NKAIN3: variants seen among roughly 807,000 people sequenced by gnomAD.
The protein encoded by NKAIN3 is sodium/potassium-transporting ATPase subunit beta-1-interacting protein 3.
A neutral mutation model predicts 30.2 loss-of-function variants in NKAIN3; 25 were observed. The observed-to-expected ratio is 0.83, with a 90% CI of 0.60 to 1.16. The LOEUF (loss-of-function observed/expected upper bound fraction) is 1.16, where lower values mean the gene tolerates loss of function less well. Ranked by LOEUF, NKAIN3 falls within the 50% of genes most tolerant of loss-of-function variation. The probability of loss-of-function intolerance (pLI) is 0.00; values close to 1 mark genes in which losing one functional copy is unlikely to be tolerated. For missense variants in NKAIN3, 225 were observed against 254.1 expected (o/e 0.89, Z 0.78); for synonymous variants, 91 against 89.6 (o/e 1.02, Z -0.09).
intron 5 of NKAIN3, among the ~76,000 whole-genome samples, chr8:62,918,951 TG>T (rs1738323291): frequency 6.8e-6 from 1 of 146,828 alleles, no homozygotes; most frequent in African/African-American, 2.5e-5. Context: ...TAAAATGCAA[TG>T]AAAAAAACTA....
intron 3 of NKAIN3, among the ~76,000 whole-genome samples, chr8:62,603,838 G>T (rs578167028): frequency 6.6e-6 from 1 of 152,204 alleles, no homozygotes; most frequent in East Asian, 1.9e-4. Context: ...ATTCTGAGAA[G>T]ATTAAATCAA....
intron 1 of NKAIN3, among the ~76,000 whole-genome samples, chr8:62,320,987 G>T (rs559809109): frequency 6.6e-6 from 1 of 151,918 alleles, no homozygotes; most frequent in Non-Finnish European, 1.5e-5. Context: ...ATGTAGATTT[G>T]GTCTTTTTAC....
intron 3 of NKAIN3, among the ~76,000 whole-genome samples, chr8:62,656,145 TCA>T (rs1264742974): frequency 1.3e-5 from 2 of 152,110 alleles, no homozygotes; most frequent in Non-Finnish European, 2.9e-5. Flanking sequence ...GCAGTACCTT[TCA>T]GGAGCCGATT....
intron 1 of NKAIN3, among the ~76,000 whole-genome samples, chr8:62,280,229 C>A (rs919294546): frequency 2.0e-5 from 3 of 152,068 alleles, no homozygotes; most frequent in Non-Finnish European, 4.4e-5. Flanking sequence ...GATTTTGTAT[C>A]CTGAGACTTT....
At chr8:62,592,183 C>G (rs141044426) in intron 3 of NKAIN3, among the ~76,000 whole-genome samples, 24 of 151,908 alleles carry the variant, frequency 1.6e-4, no homozygotes, top group Non-Finnish European at 3.1e-4. Context: ...CACATTTGTA[C>G]GCTAAGGTGT....
At chr8:62,735,965 G>C (rs543597815) in intron 3 of NKAIN3, among the ~76,000 whole-genome samples, 1 of 152,276 alleles carries the variant, frequency 6.6e-6, no homozygotes, top group African/African-American at 2.4e-5. Flanking sequence ...GTACTGAGGA[G>C]TGTCTGCAAA....
At chr8:62,989,517 T>C (rs1824273509), downstream of NKAIN3, among the ~76,000 whole-genome samples, 1 of 151,902 alleles carries the variant, frequency 6.6e-6, no homozygotes, top group African/African-American at 2.4e-5. Context: ...TATCACAAGA[T>C]CAGCACATGA....
chr8:62,803,658 A>T (rs1818157728), intron 4 of NKAIN3, among the ~76,000 whole-genome samples: 1 of 152,228 alleles, frequency 6.6e-6, no homozygotes, highest in African/African-American at 2.4e-5. Flanking sequence ...TGCAAGAGAA[A>T]GCAGGAAAGA....
At chr8:62,487,363 A>G (rs1270874540) in intron 1 of NKAIN3, among the ~76,000 whole-genome samples, 2 of 152,206 alleles carry the variant, frequency 1.3e-5, no homozygotes, top group Non-Finnish European at 1.5e-5. Context: ...AAAGGACTGC[A>G]CTTTTCACGG....
intron 3 of NKAIN3, among the ~76,000 whole-genome samples, chr8:62,729,022 AC>A (rs756903616): frequency 0.15 from 10,316 of 68,682 alleles, 2,597 homozygotes; most frequent in Non-Finnish European, 0.21. Context: ...AAACAAACAA[AC>A]CAAAAAAAAA....
intron 3 of NKAIN3, among the ~76,000 whole-genome samples, chr8:62,630,054 T>G (rs1267914820): frequency 1.3e-5 from 2 of 152,086 alleles, no homozygotes; most frequent in African/African-American, 4.8e-5. Flanking sequence ...TCACATGACT[T>G]TTATTATAAT....
intron 4 of NKAIN3, among the ~76,000 whole-genome samples, chr8:62,862,323 A>G (rs1820273399): frequency 1.3e-5 from 2 of 152,316 alleles, no homozygotes; most frequent in African/African-American, 2.4e-5. Context: ...TATGGAATCA[A>G]TGAATGGAAT....
Position 62,249,001 on chromosome 8 carries a change from C to A in NKAIN3, c.-73C>A. ...GGGCCGGGCCGGGCGGGGACTACTC[C>A]GGAGTCAGGAGGCAGCAGCGGCGGA... On this transcript the variant is annotated 5_prime_UTR_variant, in exon 1 of 7. Coordinates refer to ENST00000623646, the MANE Select transcript of NKAIN3 (RefSeq NM_001304533.3). The A allele has an allele frequency of 1.4e-6, 2 of 1,391,690 alleles. No homozygotes were observed. Among genetic ancestry groups the A allele is most frequent in the East Asian group, 2.7e-5 (1 of 37,260 alleles). 86.2% of individuals were successfully genotyped at this position (1,391,690 alleles called of 1,614,324 possible).
chr8:62,250,194 C>T (rs2129385425), intron 1 of NKAIN3, among the ~76,000 whole-genome samples: 1 of 152,220 alleles, frequency 6.6e-6, no homozygotes, highest in Non-Finnish European at 1.5e-5. Flanking sequence ...GGGATAAAAT[C>T]GTGCTTTTTA....
intron 1 of NKAIN3, among the ~76,000 whole-genome samples, chr8:62,425,780 G>T (rs572510385): frequency 1.3e-5 from 2 of 151,906 alleles, no homozygotes; most frequent in Non-Finnish European, 2.9e-5. Flanking sequence ...AAATACAAGC[G>T]TTGACATTCA....
chr8:62,988,746 C>G (rs1330286421), downstream of NKAIN3, among the ~76,000 whole-genome samples: 1 of 152,236 alleles, frequency 6.6e-6, no homozygotes, highest in African/African-American at 2.4e-5. Context: ...CTGGAGACAT[C>G]TTCCTCATTG....
intron 5 of NKAIN3, among the ~76,000 whole-genome samples, chr8:62,938,983 C>T (rs557417097): frequency 6.6e-6 from 1 of 152,150 alleles, no homozygotes; most frequent in South Asian, 2.1e-4. Flanking sequence ...TGAAGTCCAA[C>T]TTAAAGAAAT....
At chr8:62,398,367 A>T (rs1228722774) in intron 1 of NKAIN3, among the ~76,000 whole-genome samples, 2 of 152,238 alleles carry the variant, frequency 1.3e-5, no homozygotes, top group Admixed American at 1.3e-4. Context: ...CCTGCCGCAC[A>T]TTTAAGAATA....
chr8:62,322,896 C>G (rs1445699494), intron 1 of NKAIN3, among the ~76,000 whole-genome samples: 1 of 152,150 alleles, frequency 6.6e-6, no homozygotes, highest in African/African-American at 2.4e-5. Flanking sequence ...GCACAGATCG[C>G]TAATAAACAT....
Sources: gnomAD v4.1 joint callset for allele counts (sites outside exome capture counted in the v4.1 genomes callset) on GRCh38, gnomAD v4.1.1 for gene constraint, MANE v1.5 for transcripts, NCBI Gene and HGNC (gene_info 2026-07-23, HGNC 2026-07-21) for gene names.